Variants in PPIG observed in about 807,000 individuals in gnomAD.
PPIG encodes the protein peptidyl-prolyl cis-trans isomerase G.
A neutral mutation model predicts 87.9 loss-of-function variants in PPIG; 26 were observed. The observed-to-expected ratio is 0.30, with a 90% CI of 0.22 to 0.41. PPIG has a LOEUF of 0.41. Among genes scored for constraint, PPIG ranks in the 10% least tolerant of loss-of-function variants. PPIG has a pLI of 1.00. For missense variants in PPIG, 722 were observed against 879.4 expected, an observed-to-expected ratio of 0.82 and a Z score of 2.26; for synonymous variants, 308 against 276.5, an observed-to-expected ratio of 1.11 and a Z score of -1.13.
rs768498642 is a variant in PPIG, at chr2:169,636,629, A to G, written c.1371A>G (p.Lys457=). The G allele has an allele frequency of 3.8e-6, 6 of 1,594,510 alleles. No individual in the cohort carries two copies. The South Asian group carries it at 7.0e-5, about 19-fold the overall frequency. ...KYKNKVKKRA[K]SKSRSKSKEK... ...AAAACAAAGTGAAGAAAAGGGCCAA[A>G]TCTAAAAGTAGGAGTAAGAGCAAAG... Residue 457 remains lysine (K), a synonymous_variant, in exon 14 of 14, where the codon AAA becomes AAG. Coordinates refer to ENST00000260970, the MANE Select transcript of PPIG (RefSeq NM_004792.3).
rs989992492 is a variant in PPIG at position 169,638,964 on chromosome 2, G to C, written c.*1441G>C. On this transcript the variant is annotated 3_prime_UTR_variant, in exon 14 of 14. Transcript: ENST00000260970. Reference sequence around the variant, plus strand: ...AGTGTAGTGTCAACTCTGTTACCAAGGTAGCTTCTTGGTAAATCCAGTAGC... The same window carrying C: ...AGTGTAGTGTCAACTCTGTTACCAACGTAGCTTCTTGGTAAATCCAGTAGC... The C allele has an allele frequency of 2.0e-5, 3 of 151,920 alleles. No homozygotes were observed. The highest frequency in any genetic ancestry group is 4.4e-5 in the Non-Finnish European group (3 of 67,888). 9.4% of individuals were successfully genotyped at this position (151,920 alleles called of 1,614,324 possible).
At chr2:169,586,806 G>A (rs578250272) in intron 1 of PPIG, among the ~76,000 whole-genome samples, 61 of 152,266 alleles carry the variant, frequency 4.0e-4, no homozygotes, top group African/African-American at 1.4e-3. Flanking sequence ...ATTATAACAT[G>A]TTGTCTATTT....
At chr2:169,605,637 A>C (rs540613442) in intron 4 of PPIG, among the ~76,000 whole-genome samples, 20 of 96,310 alleles carry the variant, frequency 2.1e-4, no homozygotes, top group South Asian at 1.6e-3. Flanking sequence ...TTCAGTCTCT[A>C]CGAAAAAAAA....
At position 169,586,802 on chromosome 2, in the gene PPIG, A is replaced by G. The variant is rs115598869; in HGVS notation, c.-70+2312A>G. ...AATAGAGTATTTAAACATAATTATAACATGTTGTCTATTTTTAGAATCCCA... is the reference window on the plus strand; with the variant it reads ...AATAGAGTATTTAAACATAATTATAGCATGTTGTCTATTTTTAGAATCCCA... On this transcript the variant is annotated intron_variant, in intron 1 of 13. Coordinates refer to ENST00000260970, the MANE Select transcript of PPIG (RefSeq NM_004792.3). Among the ~76,000 whole-genome samples the G allele has an allele frequency of 3.1e-3, 475 of 152,318 alleles. 3 individuals are homozygous for G. The highest frequency in any genetic ancestry group is 0.011 in the African/African-American group (442 of 41,564).
intron 6 of PPIG, 23 bp downstream of exon 6, chr2:169,607,171 T>G: frequency 7.2e-7 from 1 of 1,379,678 alleles, no homozygotes; most frequent in Non-Finnish European, 1.0e-6. Flanking sequence ...ACATTTATAT[T>G]ATGTTTTAAA....
At chr2:169,605,353 A>G (rs1685294454) in intron 4 of PPIG, among the ~76,000 whole-genome samples, 1 of 152,112 alleles carries the variant, frequency 6.6e-6, no homozygotes, top group African/African-American at 2.4e-5. Context: ...ATAACAAAAA[A>G]TCAGCTGGGT....
At chr2:169,625,388 C>T (rs1685857328) in intron 9 of PPIG, among the ~76,000 whole-genome samples, 1 of 152,090 alleles carries the variant, frequency 6.6e-6, no homozygotes, top group African/African-American at 2.4e-5. Context: ...AATGGAATTG[C>T]CAGTTTGCAG....
intron 1 of PPIG, among the ~76,000 whole-genome samples, chr2:169,601,175 GCATTTTATAC>G (rs1305719410): frequency 6.6e-6 from 1 of 152,142 alleles, no homozygotes; most frequent in African/African-American, 2.4e-5. Flanking sequence ...GTATTAAATA[GCATTTTATAC>G]CGTAATTTGT....
At chr2:169,595,602 T>C (rs1684995206) in intron 1 of PPIG, among the ~76,000 whole-genome samples, 2 of 152,164 alleles carry the variant, frequency 1.3e-5, no homozygotes, top group African/African-American at 2.4e-5. Context: ...TACTCTCTTA[T>C]CTCCAAGAGT....
chr2:169,592,402 T>G lies in PPIG; in HGVS notation c.-70+7912T>G, dbSNP rs533621021. Among the ~76,000 whole-genome samples the G allele has an allele frequency of 1.5e-4, 23 of 148,560 alleles. No individual in the cohort carries two copies. The South Asian group carries it at 4.9e-3, about 31-fold the overall frequency. On this transcript the variant is annotated intron_variant, in intron 1 of 13. Coordinates refer to ENST00000260970, the MANE Select transcript of PPIG (RefSeq NM_004792.3). ...TCACTGCAAGCTCCGCCTCCCGGGT[T>G]CACGCCATTCTCCTGCCTCAGCCTC...
intron 12 of PPIG, among the ~76,000 whole-genome samples, chr2:169,635,036 A>G (rs1363534286): frequency 6.9e-6 from 1 of 145,770 alleles, no homozygotes; most frequent in Non-Finnish European, 1.5e-5. Context: ...TGTAAACTGA[A>G]TAACACTATT....
intron 1 of PPIG, among the ~76,000 whole-genome samples, chr2:169,599,220 T>C (rs573905847): frequency 1.7e-3 from 261 of 152,274 alleles, no homozygotes; most frequent in African/African-American, 5.9e-3. Context: ...GTCAATCCAA[T>C]TGGTGAAAAA....
At chr2:169,622,661 T>C (rs1685787664) in intron 9 of PPIG, among the ~76,000 whole-genome samples, 1 of 152,238 alleles carries the variant, frequency 6.6e-6, no homozygotes. Context: ...CAATGGCTAC[T>C]CTGTTCTGAA....
At chr2:169,621,248 A>C (rs778110353) in intron 9 of PPIG, among the ~76,000 whole-genome samples, 1 of 152,072 alleles carries the variant, frequency 6.6e-6, no homozygotes, top group African/African-American at 2.4e-5. Flanking sequence ...TTTTAATTTT[A>C]AAACATCCGA....
chr2:169,630,715 C>G (rs1686022314), intron 9 of PPIG, 59 bp from the exon 10 acceptor site: 1 of 1,404,422 alleles, frequency 7.1e-7, no homozygotes, highest in Admixed American at 2.1e-5. Flanking sequence ...AAATTTAAAT[C>G]TCCTTCCACA....
At chr2:169,600,696 A>G (rs569636934) in intron 1 of PPIG, among the ~76,000 whole-genome samples, 1 of 152,300 alleles carries the variant, frequency 6.6e-6, no homozygotes, top group African/African-American at 2.4e-5. Flanking sequence ...AGAAAAAAAT[A>G]TATAATTGAA....
At chr2:169,607,242 TA>T in intron 6 of PPIG, 94 bp downstream of exon 6, 1 of 792,460 alleles carries the variant, frequency 1.3e-6, no homozygotes, top group South Asian at 1.9e-5. Flanking sequence ...CATTAAAGGG[TA>T]TACTAATGTC....
At position 169,603,665 on chromosome 2, in the gene PPIG, GT is replaced by G. The variant is rs1420106533; in HGVS notation, c.-37del. On this transcript the variant is annotated 5_prime_UTR_variant, in exon 2 of 14. It introduces an in-frame stop codon into an upstream open reading frame of the 5' UTR. Transcript: ENST00000260970. Reference sequence around the variant, plus strand: ...AGGAGCACAGGGATCAGTTGTCCTTGTTTTTTTTTGGTCTTTTCTTCATTTG... The same window carrying G: ...AGGAGCACAGGGATCAGTTGTCCTTGTTTTTTTTGGTCTTTTCTTCATTTG... 16 of 167,886 alleles carry G rather than the reference GT, an allele frequency of 9.5e-5. No individual in the cohort carries two copies. Among genetic ancestry groups the G allele is most frequent in the East Asian group, 3.3e-4 (2 of 6,132 alleles). The allele number at this position is 167,886 out of a possible 1,614,324, so 10.4% of individuals were successfully genotyped here. A position where few individuals can be genotyped will look rare whatever the true frequency, so the allele number is the denominator to read the frequency against.
chr2:169,623,508 C>T (rs896703182), intron 9 of PPIG, among the ~76,000 whole-genome samples: 2 of 152,132 alleles, frequency 1.3e-5, no homozygotes, highest in Non-Finnish European at 2.9e-5. Context: ...GTTGTGGCAA[C>T]ATGGCGGTAA....
Sources: gnomAD v4.1 joint callset for allele counts (sites outside exome capture counted in the v4.1 genomes callset) on GRCh38, gnomAD v4.1.1 for gene constraint, MANE v1.5 for transcripts, NCBI Gene and HGNC (gene_info 2026-07-23, HGNC 2026-07-21) for gene names.